The following TMEM178B variants were observed in gnomAD, a reference collection of about 807,000 sequenced individuals.
TMEM178B encodes transmembrane protein 178B.
Under a neutral mutation model 31.0 loss-of-function variants are expected in TMEM178B, and 5 were observed. That is an observed-to-expected ratio of 0.16 (90% CI 0.08 to 0.34). The LOEUF (loss-of-function observed/expected upper bound fraction) is 0.34, where lower values mean the gene tolerates loss of function less well. TMEM178B is among the 10% of genes least tolerant of loss of function. The pLI, the probability that TMEM178B is intolerant of heterozygous loss-of-function variation, is 1.00. For synonymous variants in TMEM178B, 164 were observed against 164.0 expected (o/e 1.00, Z 0.00); for missense variants, 275 against 400.3 (o/e 0.69, Z 2.67).
At chr7:141,137,511 A>T (rs757072203) in intron 1 of TMEM178B, among the ~76,000 whole-genome samples, 150 of 152,314 alleles carry the variant, frequency 9.8e-4, no homozygotes, top group Non-Finnish European at 1.8e-3. Flanking sequence ...AAAAAAGTTG[A>T]TCTGATGGAG....
At chr7:141,419,629 G>A (rs1016486062) in intron 2 of TMEM178B, among the ~76,000 whole-genome samples, 2 of 152,164 alleles carry the variant, frequency 1.3e-5, no homozygotes, top group African/African-American at 4.8e-5. Context: ...TCAGTGGCTT[G>A]CCATGGCCTT....
At position 141,330,108 on chromosome 7, in the gene TMEM178B, T is replaced by G. The variant is rs950381749; in HGVS notation, c.497-107500T>G. On this transcript the variant is annotated intron_variant, in intron 2 of 3. Coordinates refer to ENST00000565468, the MANE Select transcript of TMEM178B (RefSeq NM_001195278.2). ...GCTTTTTTTTTTGGTTGAAAGTTTA[T>G]TTTAATTATTTAATTTGATATAAAC... 2.0e-5 allele frequency among the ~76,000 whole-genome samples: 3 copies of G among 152,168 alleles called. No homozygotes were observed. The East Asian group carries it at 5.8e-4, about 29-fold the overall frequency.
intron 2 of TMEM178B, among the ~76,000 whole-genome samples, chr7:141,227,911 CACTA>C (rs944342985): frequency 1.3e-5 from 2 of 152,186 alleles, no homozygotes; most frequent in Non-Finnish European, 2.9e-5. Context: ...CATTTATCAG[CACTA>C]ACTATGGGTG....
At chr7:141,356,675 A>G (rs562307873) in intron 2 of TMEM178B, among the ~76,000 whole-genome samples, 1 of 151,264 alleles carries the variant, frequency 6.6e-6, no homozygotes, top group Admixed American at 6.6e-5. Flanking sequence ...CTGCCTCAGG[A>G]TGAGCTGTCC....
chr7:141,236,668 C>T (rs1016665), intron 2 of TMEM178B, among the ~76,000 whole-genome samples: 124,943 of 152,148 alleles, frequency 0.82, 51,669 homozygotes, highest in African/African-American at 0.91. Flanking sequence ...GGAGAGAAGC[C>T]GATTAGAAAT....
In TMEM178B at chr7:141,189,090, A is replaced by G. The variant is rs1586816999; in HGVS notation, c.383-23501A>G. ...ACAATGAAGCCATGTTTCATCTTTC[A>G]GACAGCTGTGGTACCTGGACATCAT... On this transcript the variant is annotated intron_variant, in intron 1 of 3. Transcript: ENST00000565468. Among the ~76,000 whole-genome samples, 7 of 152,364 alleles carry G rather than the reference A, an allele frequency of 4.6e-5. 1 individual carries two copies. The highest frequency in any genetic ancestry group is 4.6e-4 in the Admixed American group (7 of 15,306).
At chr7:141,104,250 CT>C (rs1221958041) in intron 1 of TMEM178B, among the ~76,000 whole-genome samples, 1 of 152,174 alleles carries the variant, frequency 6.6e-6, no homozygotes, top group Non-Finnish European at 1.5e-5. Context: ...CTGGCCCCTG[CT>C]GTAGAGGTGA....
At chr7:141,228,838 G>A (rs1276268772) in intron 2 of TMEM178B, among the ~76,000 whole-genome samples, 5 of 152,062 alleles carry the variant, frequency 3.3e-5, no homozygotes, top group South Asian at 2.1e-4. Flanking sequence ...GATCAACTTC[G>A]TCATCATTGT....
chr7:141,466,080 A>G (rs1802144068), intron 3 of TMEM178B, among the ~76,000 whole-genome samples: 1 of 152,242 alleles, frequency 6.6e-6, no homozygotes, highest in Non-Finnish European at 1.5e-5. Context: ...ACAGTAGCAT[A>G]TATGGAAATT....
intron 1 of TMEM178B, among the ~76,000 whole-genome samples, chr7:141,101,908 C>CATGTGTGT (rs35467292): frequency 7.0e-6 from 1 of 142,712 alleles, no homozygotes; most frequent in Non-Finnish European, 1.6e-5. Context: ...TGTGTGTTAA[C>CATGTGTGT]GTGTGTGTGT....
chr7:141,084,498 G>C (rs1219869139), intron 1 of TMEM178B, among the ~76,000 whole-genome samples: 3 of 152,302 alleles, frequency 2.0e-5, no homozygotes, highest in African/African-American at 7.2e-5. Flanking sequence ...CAAGCCCCCT[G>C]GTTGGTTCTA....
intron 1 of TMEM178B, among the ~76,000 whole-genome samples, chr7:141,077,825 G>A (rs945465604): frequency 1.3e-5 from 2 of 152,228 alleles, no homozygotes; most frequent in Non-Finnish European, 2.9e-5. Flanking sequence ...CAGTGTGGCT[G>A]TCAGGCCAGG....
At chr7:141,458,082 G>A (rs1364426587) in intron 3 of TMEM178B, among the ~76,000 whole-genome samples, 3 of 152,160 alleles carry the variant, frequency 2.0e-5, no homozygotes, top group Admixed American at 6.5e-5. Context: ...CTAGATGGAT[G>A]GTGACCTTTT....
intron 2 of TMEM178B, among the ~76,000 whole-genome samples, chr7:141,267,477 G>A (rs926891910): frequency 1.3e-5 from 2 of 151,984 alleles, no homozygotes; most frequent in African/African-American, 4.8e-5. Flanking sequence ...TCATCATATT[G>A]TCGGCTCCCC....
intron 2 of TMEM178B, among the ~76,000 whole-genome samples, chr7:141,345,347 T>C (rs1165196639): frequency 6.6e-6 from 1 of 152,258 alleles, no homozygotes; most frequent in Non-Finnish European, 1.5e-5. Flanking sequence ...TCGAGATTGA[T>C]AATATCAACA....
Position 141,147,280 on chromosome 7 carries a change from G to A in TMEM178B, c.383-65311G>A, listed in dbSNP as rs145125531. Among the ~76,000 whole-genome samples, 5 of 151,940 alleles carry A rather than the reference G, an allele frequency of 3.3e-5. No homozygotes were observed. The East Asian group carries it at 5.8e-4, about 18-fold the overall frequency. On this transcript the variant is annotated intron_variant, in intron 1 of 3. Coordinates refer to ENST00000565468, the MANE Select transcript of TMEM178B (RefSeq NM_001195278.2). ...CCCTCCTGTGTTCTAATAGAGGAGTGCATTTGGGGTAGTGGAAGCAGGGGC... is the reference window on the plus strand; with the variant it reads ...CCCTCCTGTGTTCTAATAGAGGAGTACATTTGGGGTAGTGGAAGCAGGGGC...
chr7:141,249,991 A>G (rs1217200619), intron 2 of TMEM178B, among the ~76,000 whole-genome samples: 1 of 152,242 alleles, frequency 6.6e-6, no homozygotes, highest in African/African-American at 2.4e-5. Flanking sequence ...CATCGTAGAG[A>G]TGAATTCTTT....
intron 2 of TMEM178B, among the ~76,000 whole-genome samples, chr7:141,347,081 A>G (rs1799633139): frequency 1.3e-5 from 2 of 152,158 alleles, no homozygotes; most frequent in African/African-American, 4.8e-5. Flanking sequence ...ACCTTCTGCC[A>G]TGATTGTAAG....
At chr7:141,398,078 A>G (rs1042913053) in intron 2 of TMEM178B, among the ~76,000 whole-genome samples, 2 of 152,128 alleles carry the variant, frequency 1.3e-5, no homozygotes, top group African/African-American at 4.8e-5. Context: ...CACCAAGGCA[A>G]GTTTGGGGAG....
Sources: gnomAD v4.1 joint callset for allele counts (sites outside exome capture counted in the v4.1 genomes callset) on GRCh38, gnomAD v4.1.1 for gene constraint, MANE v1.5 for transcripts, NCBI Gene and HGNC (gene_info 2026-07-23, HGNC 2026-07-21) for gene names.